The following MSRA variants were observed in gnomAD, a reference collection of about 807,000 sequenced individuals.
MSRA encodes mitochondrial peptide methionine sulfoxide reductase.
Under a neutral mutation model 31.3 loss-of-function variants are expected in MSRA, and 54 were observed. The ratio of observed to expected loss-of-function variants is 1.73; its 90% CI spans 1.39 to 2.17. MSRA has a LOEUF of 2.17. MSRA is among the 30% of genes most tolerant of loss of function. MSRA has a pLI of 0.00. For missense variants in MSRA, 507 were observed against 300.9 expected, an observed-to-expected ratio of 1.69 and a Z score of -5.07; for synonymous variants, 169 against 116.5, an observed-to-expected ratio of 1.45 and a Z score of -2.90.
At chr8:10,110,256 C>G (rs1049742412) in intron 1 of MSRA, among the ~76,000 whole-genome samples, 13 of 152,204 alleles carry the variant, frequency 8.5e-5, no homozygotes, top group Admixed American at 3.9e-4. Context: ...ATGTTTTGTT[C>G]ATATAACTGG....
intron 5 of MSRA, chr8:10,353,763 C>G: frequency 2.7e-6 from 1 of 373,996 alleles, no homozygotes; most frequent in South Asian, 2.0e-5. Context: ...GACAGGGTTC[C>G]ACTTGGAAAA....
At chr8:10,294,603 G>A (rs1473870283) in intron 3 of MSRA, among the ~76,000 whole-genome samples, 2 of 152,206 alleles carry the variant, frequency 1.3e-5, no homozygotes, top group Non-Finnish European at 2.9e-5. Flanking sequence ...TCTGGGTGGT[G>A]CCCAGCCATC....
intron 3 of MSRA, among the ~76,000 whole-genome samples, chr8:10,248,473 C>T (rs1279622277): frequency 6.6e-6 from 1 of 152,122 alleles, no homozygotes; most frequent in Non-Finnish European, 1.5e-5. Context: ...TCTCAGCACA[C>T]AGGTGGGTGA....
At chr8:10,117,153 G>A (rs1009315257) in intron 1 of MSRA, among the ~76,000 whole-genome samples, 6 of 152,170 alleles carry the variant, frequency 3.9e-5, no homozygotes, top group Non-Finnish European at 8.8e-5. Context: ...CTAAAACAGA[G>A]ACGCCTCTGT....
intron 5 of MSRA, among the ~76,000 whole-genome samples, chr8:10,424,942 A>G (rs1029852476): frequency 2.6e-5 from 4 of 152,236 alleles, no homozygotes; most frequent in Non-Finnish European, 4.4e-5. Flanking sequence ...TGCGAAGCCC[A>G]CTGAAATCAA....
chr8:10,069,753 T>C (rs1797640389), intron 1 of MSRA, among the ~76,000 whole-genome samples: 1 of 152,204 alleles, frequency 6.6e-6, no homozygotes, highest in Non-Finnish European at 1.5e-5. Flanking sequence ...CACTGGGAAT[T>C]CAATTTCAAC....
intron 1 of MSRA, among the ~76,000 whole-genome samples, chr8:10,056,866 C>G (rs1802402362): frequency 6.6e-6 from 1 of 152,180 alleles, no homozygotes; most frequent in Admixed American, 6.5e-5. Flanking sequence ...CCCTGACCCT[C>G]AAAAGTTGCG....
At chr8:10,278,187 C>T (rs930661321) in intron 3 of MSRA, among the ~76,000 whole-genome samples, 1 of 152,108 alleles carries the variant, frequency 6.6e-6, no homozygotes, top group African/African-American at 2.4e-5. Context: ...CAGCTGGGTA[C>T]AGCAGGGGTG....
At position 10,428,140 on chromosome 8, in the gene MSRA, C is replaced by T; in HGVS notation, c.544-8C>T. The T allele has an allele frequency of 6.2e-7, 1 of 1,609,536 alleles. No homozygotes were observed. The highest frequency in any genetic ancestry group is 8.5e-7 in the Non-Finnish European group (1 of 1,178,724). On this transcript the variant is annotated splice_region_variant and splice_polypyrimidine_tract_variant and intron_variant, in intron 5 of 5. Coordinates refer to ENST00000317173, the MANE Select transcript of MSRA (RefSeq NM_012331.5). The stretch of plus-strand genomic sequence containing the variant: ...GGGAGCTGATGGCGCCTTTCTGTGT[C>T]CCCACAGGTTCTTTCAGAGCACGGC...
chr8:10,124,223 G>T (rs1466099241), intron 1 of MSRA, among the ~76,000 whole-genome samples: 3 of 152,168 alleles, frequency 2.0e-5, no homozygotes, highest in Admixed American at 2.0e-4. Flanking sequence ...TAGATAAGTG[G>T]ACAGGGAGAT....
intron 1 of MSRA, among the ~76,000 whole-genome samples, chr8:10,180,787 G>T (rs1806470274): frequency 6.6e-6 from 1 of 152,200 alleles, no homozygotes; most frequent in Admixed American, 6.5e-5. Context: ...GTTTACTTCA[G>T]TTGTTGCACC....
chr8:10,348,566 C>A (rs1803935055), intron 5 of MSRA, among the ~76,000 whole-genome samples: 1 of 151,866 alleles, frequency 6.6e-6, no homozygotes, highest in Admixed American at 6.6e-5. Context: ...GACGGGGTTT[C>A]ACCGTGTTGG....
chr8:10,192,847 C>T (rs1807629432), intron 1 of MSRA, among the ~76,000 whole-genome samples: 1 of 142,122 alleles, frequency 7.0e-6, no homozygotes, highest in East Asian at 2.0e-4. Context: ...AAGTTTACCA[C>T]CGTTTATAAC....
chr8:10,276,501 C>A (rs1053373094), intron 3 of MSRA, among the ~76,000 whole-genome samples: 1 of 152,190 alleles, frequency 6.6e-6, no homozygotes, highest in Non-Finnish European at 1.5e-5. Flanking sequence ...GAGCAGTCTG[C>A]CCATCTCCAA....
At chr8:10,408,076 G>C (rs763067728) in intron 5 of MSRA, among the ~76,000 whole-genome samples, 1 of 152,110 alleles carries the variant, frequency 6.6e-6, no homozygotes, top group Non-Finnish European at 1.5e-5. Context: ...ACGAGACCAG[G>C]AGCACTAGCA....
chr8:10,156,670 G>A (rs1420998776), intron 1 of MSRA, among the ~76,000 whole-genome samples: 1 of 152,192 alleles, frequency 6.6e-6, no homozygotes, highest in Non-Finnish European at 1.5e-5. Context: ...TGCAAGATGA[G>A]CATATTCTTC....
chr8:10,353,945 G>A (rs543849289), intron 5 of MSRA: 15 of 189,072 alleles, frequency 7.9e-5, no homozygotes, highest in African/African-American at 3.1e-4. Context: ...GGAAAGCAGT[G>A]TTGTCAAGAG....
chr8:10,427,988 G>A lies in MSRA; in HGVS notation c.544-160G>A, dbSNP rs563836371. Among the ~76,000 whole-genome samples, 11 of 152,204 alleles carry A rather than the reference G, an allele frequency of 7.2e-5. No individual in the cohort carries two copies. The East Asian group carries it at 1.4e-3, about 19-fold the overall frequency. On this transcript the variant is annotated intron_variant, in intron 5 of 5. Transcript: ENST00000317173. ...ACAGCAAGGTAAGTCCCTGCCCAGC[G>A]TCACTCCACTTGGAATGCGGAGAGC...
At chr8:10,074,564 C>G (rs996934241) in intron 1 of MSRA, among the ~76,000 whole-genome samples, 3 of 152,116 alleles carry the variant, frequency 2.0e-5, no homozygotes, top group African/African-American at 7.2e-5. Flanking sequence ...GATATTATGT[C>G]CTGCATCTCT....
Sources: allele counts gnomAD v4.1 joint callset (sites outside exome capture counted in the v4.1 genomes callset), GRCh38; gene constraint gnomAD v4.1.1; transcripts MANE v1.5; gene names NCBI Gene and HGNC (gene_info 2026-07-23, HGNC 2026-07-21).